Variants in ERCC6 observed in about 807,000 individuals in gnomAD.
The protein encoded by ERCC6 is ERCC excision repair 6, chromatin remodeling factor, also known as DNA excision repair protein ERCC-6.
In ERCC6, 116 loss-of-function variants were observed where a neutral mutation model predicts 158.7. That is an observed-to-expected ratio of 0.73 (90% CI 0.63 to 0.85). The LOEUF (loss-of-function observed/expected upper bound fraction) is 0.85, where lower values mean the gene tolerates loss of function less well. Among genes scored for constraint, ERCC6 ranks in the 40% least tolerant of loss-of-function variants. The probability of loss-of-function intolerance (pLI) is 0.00; values close to 1 mark genes in which losing one functional copy is unlikely to be tolerated. For missense variants in ERCC6, 1,698 were observed against 1,799.4 expected, an observed-to-expected ratio of 0.94 and a Z score of 1.02; for synonymous variants, 678 against 659.3, an observed-to-expected ratio of 1.03 and a Z score of -0.43.
At position 49,532,685 on chromosome 10, in the gene ERCC6, C is replaced by A; in HGVS notation, c.280G>T (p.Gly94Cys). 6.2e-7 allele frequency: 1 copy of A among 1,614,174 alleles called. No individual in the cohort carries two copies. The change falls in exon 2 of 21, where the codon GGT (glycine) becomes TGT (cysteine). Residue 94 changes from glycine to cysteine, a missense_variant. Gly to Cys is a radical substitution (Grantham distance 159). Coordinates refer to ENST00000355832, the MANE Select transcript of ERCC6 (RefSeq NM_000124.4). ...EPSAQALELQ[G>C]LGVDVYDQDV... ...TGGTCATAGACGTCCACACCCAAAC[C>A]CTGCAGCTCAAGGGCCTGGGCGCTA...
intron 14 of ERCC6, 141 bp from the exon 15 acceptor site, chr10:49,473,169 G>C: frequency 8.7e-7 from 1 of 1,153,810 alleles, no homozygotes; most frequent in Non-Finnish European, 1.3e-6. Context: ...GACCTCTGGT[G>C]AATCAAAATC....
intron 14 of ERCC6, among the ~76,000 whole-genome samples, 176 bp downstream of exon 14, chr10:49,473,301 C>T (rs528677167): frequency 1.6e-4 from 25 of 152,302 alleles, no homozygotes; most frequent in Admixed American, 1.2e-3. Flanking sequence ...CCACAATCCC[C>T]GCCCCCAAAT....
At chr10:49,474,306 A>C (rs1462638855) in intron 12 of ERCC6, 64 bp from the exon 13 acceptor site, 1 of 1,334,540 alleles carries the variant, frequency 7.5e-7, no homozygotes, top group African/African-American at 1.4e-5. Context: ...TCCCTAGGCA[A>C]GGAGGCTGTT....
the ERCC6 span, among the ~76,000 whole-genome samples, chr10:49,444,007 A>C: frequency 2.6e-5 from 4 of 152,360 alleles, no homozygotes; most frequent in East Asian, 7.7e-4. Context: ...ACATAGGATA[A>C]GAAGGAAAGC....
chr10:49,524,185 C>A lies in ERCC6; in HGVS notation c.1245G>T (p.Lys415Asn). Reference sequence around the variant, plus strand: ...CATCAATCTCCTGCACTGGCACTTTCTTCTGCCGTTTCCCGCCCTTGGGCA... The same window carrying A: ...CATCAATCTCCTGCACTGGCACTTTATTCTGCCGTTTCCCGCCCTTGGGCA... ...KPLPKGGKRQ[K>N]KVPVQEIDDD... The change falls in exon 5 of 21, where the codon AAG (lysine) becomes AAT (asparagine). Residue 415 changes from lysine (K) to asparagine (N), a missense_variant. Physicochemically the swap from Lys to Asn is moderately conservative, Grantham distance 94. Coordinates refer to ENST00000355832, the MANE Select transcript of ERCC6 (RefSeq NM_000124.4). The A allele has an allele frequency of 6.2e-7, 1 of 1,614,210 alleles. No homozygotes were observed.
chr10:49,447,797 T>C, the ERCC6 span, among the ~76,000 whole-genome samples: 5 of 152,046 alleles, frequency 3.3e-5, no homozygotes, highest in African/African-American at 1.2e-4. Context: ...TAGAATTCCC[T>C]GTTCTGTGTA....
Position 49,472,907 on chromosome 10 carries a change from AC to A in ERCC6, c.2829+1del, listed in dbSNP as rs1564730501. ...TCTTTTAAAAAAAAAATAAAAACAA[AC>A]CTGCGTGTCCGTGCTTGGGTTCCAG... On this transcript the variant is annotated splice_donor_variant, in intron 15 of 20. Coordinates refer to ENST00000355832, the MANE Select transcript of ERCC6 (RefSeq NM_000124.4). LOFTEE classifies it high-confidence loss of function. The A allele has an allele frequency of 6.2e-7, 1 of 1,613,578 alleles. No individual in the cohort carries two copies. The highest frequency in any genetic ancestry group is 1.7e-5 in the Admixed American group (1 of 60,012).
At chr10:49,447,539 A>T in the ERCC6 span, among the ~76,000 whole-genome samples, 1 of 152,004 alleles carries the variant, frequency 6.6e-6, no homozygotes, top group Non-Finnish European at 1.5e-5. Context: ...AATACAAAAA[A>T]AATTAGCCGG....
Position 49,516,823 on chromosome 10 carries a change from G to A in ERCC6, c.1397+7210C>T, listed in dbSNP as rs370101518. On this transcript the variant is annotated intron_variant, in intron 5 of 20. Transcript: ENST00000355832. The stretch of plus-strand genomic sequence containing the variant: ...TTCCTCCTCCTTGATGGTGGAGGTT[G>A]CTGCACAGTAAACGTAGATGGAACT... 24 of 1,614,064 alleles carry A rather than the reference G, an allele frequency of 1.5e-5. No individual in the cohort carries two copies. The highest frequency in any genetic ancestry group is 1.9e-5 in the Non-Finnish European group (23 of 1,180,034).
At chr10:49,511,544 C>A (rs1469790042) in intron 5 of ERCC6, among the ~76,000 whole-genome samples, 1 of 152,082 alleles carries the variant, frequency 6.6e-6, no homozygotes, top group Non-Finnish European at 1.5e-5. Flanking sequence ...TGTGCCTCAG[C>A]CTCCAGAATA....
intron 18 of ERCC6, among the ~76,000 whole-genome samples, chr10:49,466,814 T>C (rs1311836223): frequency 6.6e-6 from 1 of 152,188 alleles, no homozygotes; most frequent in Non-Finnish European, 1.5e-5. Flanking sequence ...TGAGACGGAG[T>C]CTTGCTCTGT....
chr10:49,506,695 T>A (rs1259456119), intron 5 of ERCC6, among the ~76,000 whole-genome samples: 1 of 152,102 alleles, frequency 6.6e-6, no homozygotes, highest in Non-Finnish European at 1.5e-5. Flanking sequence ...ATATATTTCA[T>A]CTAAATATCT....
intron 4 of ERCC6, chr10:49,525,307 A>G (rs1837288769): frequency 6.3e-6 from 1 of 159,920 alleles, no homozygotes; most frequent in South Asian, 1.8e-4. Flanking sequence ...TTAAATTTAA[A>G]TTACATTAAG....
At chr10:49,440,231 A>C in the ERCC6 span, among the ~76,000 whole-genome samples, 1 of 152,232 alleles carries the variant, frequency 6.6e-6, no homozygotes. Flanking sequence ...ACAGTTCCAC[A>C]TGGCTGGGCA....
chr10:49,511,610 T>C (rs755346208), intron 5 of ERCC6, among the ~76,000 whole-genome samples: 3 of 152,046 alleles, frequency 2.0e-5, no homozygotes, highest in Non-Finnish European at 4.4e-5. Context: ...TTTTTTGGTG[T>C]AGATGGGGTT....
In ERCC6 at chr10:49,461,524, T is replaced by A; in HGVS notation, c.3811A>T (p.Ile1271Phe). ...TAATCTGGGCTGGCTCCATCCATGATGGCATCGTGCTTCATGACACTGTGC... is the reference window on the plus strand; with the variant it reads ...TAATCTGGGCTGGCTCCATCCATGAAGGCATCGTGCTTCATGACACTGTGC... ...GVHSVMKHDA[I>F]MDGASPDYVL... Residue 1271 changes from isoleucine (I) to phenylalanine (F), a missense_variant, in exon 19 of 21, where the codon ATC becomes TTC. Physicochemically the swap from Ile to Phe is conservative, Grantham distance 21. Transcript: ENST00000355832. 1 of 1,614,106 alleles carries A rather than the reference T, an allele frequency of 6.2e-7. No individual in the cohort carries two copies. Among genetic ancestry groups the A allele is most frequent in the Non-Finnish European group, 8.5e-7 (1 of 1,179,998 alleles).
At chr10:49,465,268 T>C (rs762403656) in intron 18 of ERCC6, among the ~76,000 whole-genome samples, 8 of 152,246 alleles carry the variant, frequency 5.3e-5, no homozygotes, top group Admixed American at 2.0e-4. Flanking sequence ...GTGGGGCCTA[T>C]AGCCCCTTTG....
In ERCC6 at chr10:49,473,547, T is replaced by C. The variant is rs368646756; in HGVS notation, c.2639A>G (p.Tyr880Cys). The change falls in exon 14 of 21, where the codon TAT (tyrosine) becomes TGT (cysteine). Residue 880 changes from tyrosine to cysteine, a missense_variant. Transcript: ENST00000355832. ...GGTACCATCCATCTTGAGATAGGTA[T>C]ACTTTTGGGCTCTAAGGAATACTTC... Reference protein sequence around the residue: ...ILEVFLRAQKYTYLKMDGTTT... With the variant: ...ILEVFLRAQKCTYLKMDGTTT... The C allele has an allele frequency of 1.7e-5, 28 of 1,613,276 alleles. No homozygotes were observed. The highest frequency in any genetic ancestry group is 2.3e-5 in the Non-Finnish European group (27 of 1,179,302).
At chr10:49,531,069 C>A (rs1837458567) in intron 2 of ERCC6, among the ~76,000 whole-genome samples, 1 of 152,132 alleles carries the variant, frequency 6.6e-6, no homozygotes, top group Non-Finnish European at 1.5e-5. Flanking sequence ...TAGATCAGCT[C>A]ATTCCCATTT....
Sources: allele counts gnomAD v4.1 joint callset (sites outside exome capture counted in the v4.1 genomes callset), GRCh38; gene constraint gnomAD v4.1.1; transcripts MANE v1.5; gene names NCBI Gene and HGNC (gene_info 2026-07-23, HGNC 2026-07-21).